The following ENOX1 variants were observed in gnomAD, a reference collection of about 807,000 sequenced individuals.
The protein encoded by ENOX1 is ecto-NOX disulfide-thiol exchanger 1, also known as candidate growth-related and time keeping constitutive hydroquinone (NADH) oxidase.
In ENOX1, 42 loss-of-function variants were observed where a neutral mutation model predicts 82.5. The ratio of observed to expected loss-of-function variants is 0.51; its 90% CI spans 0.40 to 0.66. ENOX1 has a LOEUF of 0.66. ENOX1 is among the 30% of genes least tolerant of loss of function. ENOX1 has a pLI of 0.00. For missense variants in ENOX1, 608 were observed against 811.6 expected, an observed-to-expected ratio of 0.75 and a Z score of 3.05; for synonymous variants, 271 against 282.2, an observed-to-expected ratio of 0.96 and a Z score of 0.40.
At chr13:43,598,094 G>A (rs911810405) in intron 2 of ENOX1, among the ~76,000 whole-genome samples, 6 of 151,854 alleles carry the variant, frequency 4.0e-5, no homozygotes, top group Non-Finnish European at 7.4e-5. Flanking sequence ...TGTGTCTCCC[G>A]GCTCTACAGA....
chr13:43,298,217 C>T, intron 12 of ENOX1, 129 bp downstream of exon 12: 1 of 965,210 alleles, frequency 1.0e-6, no homozygotes, highest in Non-Finnish European at 1.5e-6. Context: ...CTTTTCTGTC[C>T]TAGTAACATA....
At chr13:43,397,390 G>A (rs2053220100) in intron 5 of ENOX1, among the ~76,000 whole-genome samples, 1 of 152,208 alleles carries the variant, frequency 6.6e-6, no homozygotes, top group Non-Finnish European at 1.5e-5. Context: ...CATCAGCAGT[G>A]ATTCACTCTG....
At chr13:43,701,935 C>A (rs2086928107) in intron 1 of ENOX1, among the ~76,000 whole-genome samples, 1 of 147,584 alleles carries the variant, frequency 6.8e-6, no homozygotes, top group Non-Finnish European at 1.5e-5. Context: ...ATTCTGATAA[C>A]CATCACTGTA....
intron 5 of ENOX1, among the ~76,000 whole-genome samples, chr13:43,386,802 G>C (rs2052439800): frequency 6.6e-6 from 1 of 152,124 alleles, no homozygotes; most frequent in South Asian, 2.1e-4. Flanking sequence ...TTCTTAACAT[G>C]TTTAGAATTG....
intron 12 of ENOX1, among the ~76,000 whole-genome samples, chr13:43,286,961 C>T (rs928901108): frequency 6.6e-6 from 1 of 152,174 alleles, no homozygotes; most frequent in Admixed American, 6.5e-5. Context: ...GTCTTGATGA[C>T]TGCAGTTCTG....
chr13:43,593,084 T>A (rs947830328), intron 2 of ENOX1, among the ~76,000 whole-genome samples: 1 of 152,202 alleles, frequency 6.6e-6, no homozygotes, highest in Non-Finnish European at 1.5e-5. Flanking sequence ...GAACTGCTTG[T>A]ATAACTGGAT....
chr13:43,359,778 A>G lies in ENOX1; in HGVS notation c.589+73T>C. 2.1e-6 allele frequency: 3 copies of G among 1,398,286 alleles called. No homozygotes were observed. The South Asian group carries it at 3.6e-5, about 17-fold the overall frequency. 86.6% of individuals were successfully genotyped at this position (1,398,286 alleles called of 1,614,324 possible). ...AGACTTTATTTTGCATGAAGGCCAA[A>G]GGGAATAAGCTCATATTAACATCAC... On this transcript the variant is annotated intron_variant, in intron 7 of 16. Transcript: ENST00000690772.
intron 14 of ENOX1, among the ~76,000 whole-genome samples, chr13:43,242,965 G>A (rs1214487204): frequency 2.0e-5 from 3 of 151,996 alleles, no homozygotes; most frequent in African/African-American, 7.2e-5. Flanking sequence ...GCGAAACCCT[G>A]TCTCTACTGA....
At position 43,371,743 on chromosome 13, in the gene ENOX1, CT is replaced by C. The variant is rs1451451060; in HGVS notation, c.209-10292del. ...CAATTTATGTAGGTTTCAATTTAAA[CT>C]TACTGCTTGAAGGGACTGAAACAAC... On this transcript the variant is annotated intron_variant, in intron 5 of 16. Coordinates refer to ENST00000690772, the MANE Select transcript of ENOX1 (RefSeq NM_001347969.2). 5.9e-4 allele frequency among the ~76,000 whole-genome samples: 90 copies of C among 152,282 alleles called. 1 individual carries two copies. Among genetic ancestry groups the C allele is most frequent in the Non-Finnish European group, 2.4e-4 (16 of 68,016 alleles).
chr13:43,315,951 G>C (rs1886326), intron 11 of ENOX1, among the ~76,000 whole-genome samples: 26,118 of 152,100 alleles, frequency 0.17, 2,764 homozygotes, highest in East Asian at 0.53. Flanking sequence ...GGCACTTTGG[G>C]CTGCACACAG....
rs1404091392 is a variant in ENOX1 at position 43,529,886 on chromosome 13, T to TA, written c.-218-45735dup. 2.6e-5 allele frequency among the ~76,000 whole-genome samples: 4 copies of TA among 152,226 alleles called. No individual in the cohort carries two copies. In the South Asian group the frequency reaches 8.3e-4, roughly 32 times the overall value. ...GGCCCCAATTATATAAGCCAATAAC[T>TA]AAAAATTGTTTGCACAGCTATTAAA... is the stretch of plus-strand genomic sequence containing the variant. On this transcript the variant is annotated intron_variant, in intron 2 of 16. Coordinates refer to ENST00000690772, the MANE Select transcript of ENOX1 (RefSeq NM_001347969.2).
intron 5 of ENOX1, among the ~76,000 whole-genome samples, chr13:43,409,560 T>C (rs893743469): frequency 2.0e-5 from 3 of 152,192 alleles, no homozygotes; most frequent in Non-Finnish European, 2.9e-5. Context: ...CACCATTTTA[T>C]AGAAAAGGTA....
At chr13:43,250,133 G>C (rs551281868) in intron 14 of ENOX1, among the ~76,000 whole-genome samples, 59 of 152,336 alleles carry the variant, frequency 3.9e-4, no homozygotes, top group Non-Finnish European at 7.8e-4. Context: ...GATAATAATA[G>C]TAAGTAGCTT....
At chr13:43,333,532 T>C (rs929089722) in intron 9 of ENOX1, among the ~76,000 whole-genome samples, 3 of 152,214 alleles carry the variant, frequency 2.0e-5, no homozygotes, top group African/African-American at 7.2e-5. Context: ...CTGGGGATCT[T>C]TTCTTCTTTG....
chr13:43,565,966 ATTTG>A (rs1394967713), intron 2 of ENOX1, among the ~76,000 whole-genome samples: 1 of 152,152 alleles, frequency 6.6e-6, no homozygotes, highest in Non-Finnish European at 1.5e-5. Flanking sequence ...AGATTTTTCT[ATTTG>A]TTTGGCCTAA....
At chr13:43,727,173 C>T (rs2089035201) in intron 1 of ENOX1, among the ~76,000 whole-genome samples, 2 of 152,312 alleles carry the variant, frequency 1.3e-5, no homozygotes, top group South Asian at 4.1e-4. Context: ...AGAGCAAAGG[C>T]AGATGTCCCC....
chr13:43,596,981 A>G (rs35011867), intron 2 of ENOX1, among the ~76,000 whole-genome samples: 64,785 of 152,014 alleles, frequency 0.43, 16,402 homozygotes, highest in East Asian at 0.79. Flanking sequence ...GAAGAAAAGA[A>G]GTTTAATTGC....
intron 2 of ENOX1, chr13:43,547,894 G>A (rs548932947): frequency 6.6e-6 from 1 of 152,306 alleles, no homozygotes; most frequent in South Asian, 2.1e-4. Context: ...GTGCAATCAG[G>A]AAAGACAGAT....
chr13:43,455,191 C>T (rs1323145), intron 3 of ENOX1, among the ~76,000 whole-genome samples: 59,306 of 151,980 alleles, frequency 0.39, 12,818 homozygotes, highest in Non-Finnish European at 0.5. Flanking sequence ...CTGAGTTAAA[C>T]TTGTAATTGA....
Sources: gnomAD v4.1 joint callset for allele counts (sites outside exome capture counted in the v4.1 genomes callset) on GRCh38, gnomAD v4.1.1 for gene constraint, MANE v1.5 for transcripts, NCBI Gene and HGNC (gene_info 2026-07-23, HGNC 2026-07-21) for gene names.